Variants in FGF12 observed in about 807,000 individuals in gnomAD.
FGF12 encodes the protein fibroblast growth factor 12.
FGF12 carries 14 observed loss-of-function variants against 23.6 expected under a neutral mutation model. The ratio of observed to expected loss-of-function variants is 0.59; its 90% CI spans 0.39 to 0.93. The LOEUF (loss-of-function observed/expected upper bound fraction) is 0.93, where lower values mean the gene tolerates loss of function less well. Among genes scored for constraint, FGF12 ranks in the 40% least tolerant of loss-of-function variants. The pLI, the probability that FGF12 is intolerant of heterozygous loss-of-function variation, is 0.00. For synonymous variants in FGF12, 62 were observed against 77.3 expected, an observed-to-expected ratio of 0.80 and a Z score of 1.04; for missense variants, 175 against 217.8, an observed-to-expected ratio of 0.80 and a Z score of 1.24.
chr3:192,559,298 G>T (rs892267562), intron 2 of FGF12, among the ~76,000 whole-genome samples: 4 of 151,906 alleles, frequency 2.6e-5, no homozygotes, highest in Admixed American at 2.0e-4. Context: ...AATTGGCAAA[G>T]GACTTGAGTA....
chr3:192,283,494 A>T (rs1288779810), intron 4 of FGF12, among the ~76,000 whole-genome samples: 5 of 152,160 alleles, frequency 3.3e-5, no homozygotes, highest in African/African-American at 1.2e-4. Context: ...ATTTCCACAC[A>T]CATATAATTA....
At chr3:192,278,952 G>A (rs1468904351) in intron 4 of FGF12, among the ~76,000 whole-genome samples, 2 of 150,598 alleles carry the variant, frequency 1.3e-5, no homozygotes, top group Non-Finnish European at 2.9e-5. Context: ...AAAATTTTTG[G>A]TGGCCTTCCT....
In FGF12 at chr3:192,725,113, G is replaced by C. The variant is rs142940509; in HGVS notation, c.13+2068C>G. On this transcript the variant is annotated intron_variant, in intron 2 of 5. Coordinates refer to ENST00000445105, the MANE Select transcript of FGF12 (RefSeq NM_004113.6). Reference sequence around the variant, plus strand: ...CATTTCTCTTAATACACTCTTTTTGGCTGGAATAAAAATTTCAAGTTAGCT... The same window carrying C: ...CATTTCTCTTAATACACTCTTTTTGCCTGGAATAAAAATTTCAAGTTAGCT... Among the ~76,000 whole-genome samples the C allele has an allele frequency of 2.1e-3, 326 of 152,196 alleles. 2 individuals carry two copies. The highest frequency in any genetic ancestry group is 7.6e-3 in the African/African-American group (317 of 41,528).
chr3:192,226,396 G>C (rs1718737749), intron 4 of FGF12, among the ~76,000 whole-genome samples: 1 of 152,068 alleles, frequency 6.6e-6, no homozygotes, highest in African/African-American at 2.4e-5. Flanking sequence ...TTTGAAACAT[G>C]AACATGCTGA....
At chr3:192,625,787 G>C (rs185757416) in intron 2 of FGF12, among the ~76,000 whole-genome samples, 2 of 152,162 alleles carry the variant, frequency 1.3e-5, no homozygotes, top group African/African-American at 4.8e-5. Context: ...AAAAGGAAAA[G>C]GGCATGAACA....
chr3:192,373,132 C>T (rs1252949030), intron 2 of FGF12, among the ~76,000 whole-genome samples: 3 of 151,824 alleles, frequency 2.0e-5, no homozygotes, highest in African/African-American at 7.3e-5. Context: ...TGCACGTAGT[C>T]GAATTTGTAA....
chr3:192,372,391 TCACACACACA>T (rs58664869), intron 2 of FGF12, among the ~76,000 whole-genome samples: 28 of 148,986 alleles, frequency 1.9e-4, no homozygotes, highest in African/African-American at 6.1e-4. Context: ...TTTCATACCA[TCACACACACA>T]CACACACACA....
intron 2 of FGF12, among the ~76,000 whole-genome samples, chr3:192,419,505 A>G (rs1400636882): frequency 6.6e-6 from 1 of 152,142 alleles, no homozygotes; most frequent in East Asian, 1.9e-4. Context: ...AAAATGAGGA[A>G]GTGGTTTTCC....
chr3:192,226,599 C>A (rs568975890), intron 4 of FGF12, among the ~76,000 whole-genome samples: 78 of 152,242 alleles, frequency 5.1e-4, no homozygotes, highest in African/African-American at 1.7e-3. Context: ...TAAATCCTAA[C>A]CCCTAAGGTG....
At chr3:192,273,534 G>A (rs926280399) in intron 4 of FGF12, among the ~76,000 whole-genome samples, 1 of 152,024 alleles carries the variant, frequency 6.6e-6, no homozygotes, top group Non-Finnish European at 1.5e-5. Flanking sequence ...GTAAGCTCGA[G>A]GAGTCACGCA....
At chr3:192,457,485 G>A (rs1247516218) in intron 2 of FGF12, among the ~76,000 whole-genome samples, 1 of 152,206 alleles carries the variant, frequency 6.6e-6, no homozygotes, top group African/African-American at 2.4e-5. Context: ...TTGGGAACTG[G>A]AACAAAGGTG....
At chr3:192,535,807 T>A (rs1215963061) in intron 2 of FGF12, among the ~76,000 whole-genome samples, 4 of 152,198 alleles carry the variant, frequency 2.6e-5, no homozygotes, top group Non-Finnish European at 4.4e-5. Flanking sequence ...TGAATTTAGC[T>A]GTATCTGAGA....
chr3:192,408,043 G>A lies in FGF12; in HGVS notation c.14-47505C>T. On this transcript the variant is annotated intron_variant, in intron 2 of 5. Transcript: ENST00000445105. The surrounding 1 kb of genome is among the most constrained non-coding windows in gnomAD (Gnocchi z 7.3). ...TACTGACCTGGTCTCCGCCTCACCG[G>A]CCTCTTGCGGCCGCTGCAGAAGCGC... The A allele has an allele frequency of 1.2e-6, 2 of 1,611,654 alleles. No individual in the cohort carries two copies. Among genetic ancestry groups the A allele is most frequent in the South Asian group, 1.1e-5 (1 of 90,932 alleles).
intron 3 of FGF12, 86 bp from the exon 4 acceptor site, chr3:192,335,550 A>G: frequency 1.2e-6 from 1 of 847,978 alleles, no homozygotes; most frequent in African/African-American, 1.7e-5. Context: ...GAGAATTAAA[A>G]CCTATTAATT....
chr3:192,674,568 T>C (rs1245331641), intron 2 of FGF12, among the ~76,000 whole-genome samples: 1 of 152,188 alleles, frequency 6.6e-6, no homozygotes, highest in Non-Finnish European at 1.5e-5. Flanking sequence ...GATTTTGTGA[T>C]CCCTAAGTTG....
intron 2 of FGF12, among the ~76,000 whole-genome samples, chr3:192,655,972 A>T (rs4687352): frequency 2.0e-5 from 3 of 149,194 alleles, no homozygotes; most frequent in East Asian, 4.0e-4. Flanking sequence ...CTAGCACTCC[A>T]GACACATGGG....
chr3:192,198,713 C>T (rs910100855), intron 4 of FGF12, among the ~76,000 whole-genome samples: 1 of 152,050 alleles, frequency 6.6e-6, no homozygotes, highest in Admixed American at 6.6e-5. Flanking sequence ...ATATCATGAC[C>T]CAACTGGTTA....
intron 2 of FGF12, among the ~76,000 whole-genome samples, chr3:192,373,285 C>CT (rs1719319255): frequency 1.6e-5 from 2 of 128,986 alleles, no homozygotes; most frequent in Admixed American, 8.1e-5. Context: ...AGGAAGCAAA[C>CT]ATTTTTTTTT....
intron 2 of FGF12, among the ~76,000 whole-genome samples, chr3:192,707,433 T>C (rs1349386455): frequency 1.3e-5 from 2 of 152,104 alleles, no homozygotes; most frequent in African/African-American, 4.8e-5. Context: ...TAAAGAATCA[T>C]GCTGTTCCCC....
Sources: allele counts gnomAD v4.1 joint callset (sites outside exome capture counted in the v4.1 genomes callset), GRCh38; gene constraint gnomAD v4.1.1; non-coding constraint Gnocchi (gnomAD v3.1); transcripts MANE v1.5; gene names NCBI Gene and HGNC (gene_info 2026-07-23, HGNC 2026-07-21).